Variants in SIGLECL1 observed in about 807,000 individuals in gnomAD.
SIGLECL1 encodes the protein SIGLEC family like 1.
SIGLECL1 carries 16 observed loss-of-function variants against 19.1 expected under a neutral mutation model. The observed-to-expected ratio is 0.84, with a 90% CI of 0.57 to 1.27. The LOEUF (loss-of-function observed/expected upper bound fraction) is 1.27. Among genes scored for constraint, SIGLECL1 ranks in the 50% most tolerant of loss-of-function variants. SIGLECL1 has a pLI of 0.00. For synonymous variants in SIGLECL1, 89 were observed against 90.4 expected, an observed-to-expected ratio of 0.98 and a Z score of 0.09; for missense variants, 210 against 239.4, an observed-to-expected ratio of 0.88 and a Z score of 0.81.
At chr19:51,267,282 G>A in intron 4 of SIGLECL1, 91 bp from the exon 5 acceptor site, 1 of 1,486,764 alleles carries the variant, frequency 6.7e-7, no homozygotes, top group Non-Finnish European at 9.0e-7. Context: ...TGTTGTTGAG[G>A]CTCTAAATCA....
intron 1 of SIGLECL1, among the ~76,000 whole-genome samples, chr19:51,263,464 A>T (rs577035260): frequency 7.6e-4 from 115 of 152,242 alleles, no homozygotes; most frequent in African/African-American, 2.6e-3. Flanking sequence ...GAGAGAGAGA[A>T]AGACCCTGTC....
intron 1 of SIGLECL1, among the ~76,000 whole-genome samples, chr19:51,252,752 C>G (rs1480724448): frequency 6.6e-6 from 1 of 152,088 alleles, no homozygotes; most frequent in Non-Finnish European, 1.5e-5. Context: ...TCAGAGAGGT[C>G]TGTTAAAACA....
At chr19:51,259,139 G>GT (rs1568443697) in intron 1 of SIGLECL1, among the ~76,000 whole-genome samples, 1 of 300 alleles carries the variant, frequency 3.3e-3, no homozygotes, top group Non-Finnish European at 6.8e-3. Context: ...TCTTATACCT[G>GT]CATTCCAAAA....
chr19:51,268,849 A>G lies in SIGLECL1; in HGVS notation c.*252A>G, dbSNP rs1448190374. On this transcript the variant is annotated 3_prime_UTR_variant, in exon 6 of 6. Transcript: ENST00000601727. ...ACTTTGTAATTTGTTGTTTGGCTAA[A>G]TGAGAAGAAATCTGTGCCACCCTGG... 3 of 443,014 alleles carry G rather than the reference A, an allele frequency of 6.8e-6. No homozygotes were observed. The highest frequency in any genetic ancestry group is 1.2e-5 in the Non-Finnish European group (3 of 251,080). 27.4% of individuals were successfully genotyped at this position (443,014 alleles called of 1,614,324 possible). A position where few individuals can be genotyped will look rare whatever the true frequency, so the allele number is the denominator to read the frequency against.
rs1485792072 is a variant in SIGLECL1 at position 51,264,111 on chromosome 19, G to A, written c.22+17G>A. On this transcript the variant is annotated intron_variant, in intron 2 of 5. Coordinates refer to ENST00000601727, the MANE Select transcript of SIGLECL1 (RefSeq NM_001385465.1). The stretch of plus-strand genomic sequence containing the variant: ...TACAGCTGGGTAAGTAAGGTGAGAA[G>A]CAGCACTGGAGGTGTGTTTGGAAGC... The A allele has an allele frequency of 1.9e-6, 3 of 1,613,818 alleles. No individual in the cohort carries two copies. Among genetic ancestry groups the A allele is most frequent in the Non-Finnish European group, 2.5e-6 (3 of 1,179,924 alleles).
At chr19:51,252,515 CA>C (rs1599788428) in intron 1 of SIGLECL1, among the ~76,000 whole-genome samples, 1 of 152,140 alleles carries the variant, frequency 6.6e-6, no homozygotes, top group East Asian at 1.9e-4. Flanking sequence ...GCTTTACTGG[CA>C]AATCCTGGCC....
chr19:51,258,302 A>G (rs1351300795), intron 1 of SIGLECL1, among the ~76,000 whole-genome samples: 1 of 152,226 alleles, frequency 6.6e-6, no homozygotes, highest in Non-Finnish European at 1.5e-5. Flanking sequence ...ATTCACTAGA[A>G]CAGCCCTGAC....
chr19:51,267,059 G>C (rs903239994), intron 4 of SIGLECL1, among the ~76,000 whole-genome samples: 2 of 152,128 alleles, frequency 1.3e-5, no homozygotes, highest in African/African-American at 4.8e-5. Context: ...TGAGGAGTGA[G>C]GTGTCAGGGC....
chr19:51,252,251 C>T (rs1170601415), intron 1 of SIGLECL1, among the ~76,000 whole-genome samples: 1 of 150,620 alleles, frequency 6.6e-6, no homozygotes, highest in Non-Finnish European at 1.5e-5. Context: ...GAGCCAAGAT[C>T]GTGCCACTGC....
intron 1 of SIGLECL1, among the ~76,000 whole-genome samples, chr19:51,261,682 T>C (rs560746658): frequency 9.2e-5 from 14 of 152,370 alleles, no homozygotes; most frequent in Non-Finnish European, 2.1e-4. Context: ...TCCAATATGA[T>C]GATCTTAGAT....
In SIGLECL1 at chr19:51,265,742, C is replaced by T. The variant is rs771445197; in HGVS notation, c.305-35C>T. ...AGAGAATGGAGCAGAGTTTTGGCTC[C>T]GATGCCAAACTTCTCACATGCTCTC... is the stretch of plus-strand genomic sequence containing the variant. On this transcript the variant is annotated intron_variant, in intron 3 of 5. Transcript: ENST00000601727. 1.2e-5 allele frequency: 19 copies of T among 1,613,608 alleles called. 1 individual carries two copies. The South Asian group carries it at 1.5e-4, about 13-fold the overall frequency.
Position 51,263,957 on chromosome 19 carries a change from C to T in SIGLECL1, c.-116C>T, listed in dbSNP as rs1006148312. The T allele has an allele frequency of 7.5e-7, 1 of 1,338,876 alleles. No individual in the cohort carries two copies. The highest frequency in any genetic ancestry group is 1.0e-6 in the Non-Finnish European group (1 of 957,274). 82.9% of individuals were successfully genotyped at this position (1,338,876 alleles called of 1,614,324 possible). The stretch of plus-strand genomic sequence containing the variant: ...AAGATACTTCTGCTCTCCCCATCCC[C>T]ACATCCTCTTTCAGTTACGCATCAC... On this transcript the variant is annotated 5_prime_UTR_variant, in exon 2 of 6. Transcript: ENST00000601727.
At chr19:51,249,187 GC>G (rs1306343424), upstream of SIGLECL1, among the ~76,000 whole-genome samples, 2 of 152,098 alleles carry the variant, frequency 1.3e-5, no homozygotes, top group Non-Finnish European at 2.9e-5. Flanking sequence ...CTCAGAGGAA[GC>G]CCCTTTCTAA....
chr19:51,268,445 C>T, intron 5 of SIGLECL1, 126 bp from the exon 6 acceptor site: 2 of 975,220 alleles, frequency 2.1e-6, no homozygotes, highest in Non-Finnish European at 3.3e-6. Flanking sequence ...AGGGCTAAGC[C>T]AGTGCTCACT....
chr19:51,267,852 T>A (rs941785374), intron 5 of SIGLECL1, among the ~76,000 whole-genome samples: 1 of 152,168 alleles, frequency 6.6e-6, no homozygotes, highest in Non-Finnish European at 1.5e-5. Flanking sequence ...GGATTTGGCC[T>A]CTGAGTGTAT....
chr19:51,254,777 T>A (rs770944879), intron 1 of SIGLECL1, among the ~76,000 whole-genome samples: 5 of 152,128 alleles, frequency 3.3e-5, no homozygotes, highest in African/African-American at 4.8e-5. Context: ...GTGTGCACTT[T>A]AAAATGGTGA....
At chr19:51,252,887 G>C (rs1982579527) in intron 1 of SIGLECL1, among the ~76,000 whole-genome samples, 2 of 152,098 alleles carry the variant, frequency 1.3e-5, no homozygotes. Flanking sequence ...CACTTTGGGA[G>C]GCTGAGGTGA....
chr19:51,266,490 T>C (rs116291907), intron 4 of SIGLECL1, among the ~76,000 whole-genome samples: 4,614 of 151,254 alleles, frequency 0.031, 269 homozygotes, highest in African/African-American at 0.11. Context: ...TATGTCATTA[T>C]GTATAAACAA....
At chr19:51,261,166 A>C (rs903058761) in intron 1 of SIGLECL1, among the ~76,000 whole-genome samples, 4 of 152,192 alleles carry the variant, frequency 2.6e-5, no homozygotes, top group African/African-American at 9.7e-5. Context: ...GAGATATGCC[A>C]TTCTATCTTT....
Sources: gnomAD v4.1 joint callset for allele counts (sites outside exome capture counted in the v4.1 genomes callset) on GRCh38, gnomAD v4.1.1 for gene constraint, MANE v1.5 for transcripts, NCBI Gene and HGNC (gene_info 2026-07-23, HGNC 2026-07-21) for gene names.